Variants in RFT1 observed in about 807,000 individuals in gnomAD.
The protein encoded by RFT1 is RFT1 glycolipid translocator homolog.
Under a neutral mutation model 62.2 loss-of-function variants are expected in RFT1, and 43 were observed. That is an observed-to-expected ratio of 0.69 (90% CI 0.54 to 0.89). RFT1 has a LOEUF of 0.89. Among genes scored for constraint, RFT1 ranks in the 40% least tolerant of loss-of-function variants. The pLI is 0.00. For synonymous variants in RFT1, 262 were observed against 264.6 expected (o/e 0.99, Z 0.10); for missense variants, 605 against 649.9 (o/e 0.93, Z 0.75).
At chr3:53,099,511 C>G in intron 10 of RFT1, 25 bp from the exon 11 acceptor site, 1 of 1,579,580 alleles carries the variant, frequency 6.3e-7, no homozygotes, top group South Asian at 1.1e-5. Flanking sequence ...CTCACTGAGA[C>G]TCCAGAGCCC....
In RFT1 at chr3:53,123,632, C is replaced by T. The variant is rs1702028612; in HGVS notation, c.266+92G>A. On this transcript the variant is annotated intron_variant, in intron 3 of 12. Coordinates refer to ENST00000296292, the MANE Select transcript of RFT1 (RefSeq NM_052859.4). ...CCCATGACGAAACTGAATCTGGGGG[C>T]AATTCAGCTTTAGGCACGTGTTACT... 7 of 976,048 alleles carry T rather than the reference C, an allele frequency of 7.2e-6. No homozygotes were observed. In the East Asian group the frequency reaches 1.7e-4, roughly 23 times the overall value. The allele number at this position is 976,048 out of a possible 1,614,324, so 60.5% of individuals were successfully genotyped here.
intron 8 of RFT1, among the ~76,000 whole-genome samples, chr3:53,106,298 C>G (rs1481055195): frequency 6.6e-6 from 1 of 152,078 alleles, no homozygotes; most frequent in Non-Finnish European, 1.5e-5. Flanking sequence ...CATATATACC[C>G]TTTACCCAGT....
intron 11 of RFT1, 57 bp downstream of exon 11, chr3:53,099,324 A>G (rs1422504078): frequency 7.1e-7 from 1 of 1,401,422 alleles, no homozygotes; most frequent in African/African-American, 1.4e-5. Flanking sequence ...AAGCTTGACA[A>G]GTTATTTCAT....
At chr3:53,071,356 A>T in the RFT1 span, among the ~76,000 whole-genome samples, 1 of 152,176 alleles carries the variant, frequency 6.6e-6, no homozygotes, top group Non-Finnish European at 1.5e-5. Context: ...CCCCTGCGCT[A>T]ATGAGAGTGA....
At chr3:53,068,138 C>T in the RFT1 span, among the ~76,000 whole-genome samples, 1 of 152,066 alleles carries the variant, frequency 6.6e-6, no homozygotes, top group African/African-American at 2.4e-5. Flanking sequence ...GATCCTGATG[C>T]AGGAGGGGAC....
chr3:53,110,657 G>C (rs540603089), intron 7 of RFT1, among the ~76,000 whole-genome samples: 1 of 151,958 alleles, frequency 6.6e-6, no homozygotes, highest in African/African-American at 2.4e-5. Flanking sequence ...AATACAGATG[G>C]GGGGGAAATA....
intron 6 of RFT1, among the ~76,000 whole-genome samples, chr3:53,118,058 T>C (rs1701857608): frequency 6.6e-6 from 1 of 152,162 alleles, no homozygotes. Context: ...CCCAGCTAAT[T>C]AAAAAAATTT....
rs1202099690 is a variant in RFT1, at chr3:53,091,535, G to T, written c.*368C>A. On this transcript the variant is annotated 3_prime_UTR_variant, in exon 13 of 13. Transcript: ENST00000296292. ...AAAATCACTGCATCTCTTTTTCTGG[G>T]CCAGATAATTATTAACAGTTAACAA... 4 of 267,216 alleles carry T rather than the reference G, an allele frequency of 1.5e-5. No individual in the cohort carries two copies. The highest frequency in any genetic ancestry group is 4.4e-5 in the African/African-American group (2 of 45,628). The allele number at this position is 267,216 out of a possible 1,614,324, so 16.6% of individuals were successfully genotyped here.
intron 8 of RFT1, 88 bp from the exon 9 acceptor site, chr3:53,105,891 T>C: frequency 8.2e-7 from 1 of 1,218,100 alleles, no homozygotes; most frequent in South Asian, 1.4e-5. Flanking sequence ...AATATTTTCA[T>C]TAAAGTTTGT....
At position 53,121,795 on chromosome 3, in the gene RFT1, A is replaced by C. The variant is rs1701976542; in HGVS notation, c.462T>G (p.Ile154Met). 6.2e-7 allele frequency: 1 copy of C among 1,612,468 alleles called. No individual in the cohort carries two copies. Among genetic ancestry groups the C allele is most frequent in the South Asian group, 1.1e-5 (1 of 90,936 alleles). Residue 154 changes from isoleucine to methionine, a missense_variant, in exon 5 of 13, where the codon ATT becomes ATG. Ile to Met is a conservative substitution (Grantham distance 10). Transcript: ENST00000296292. ...QAHMFVKLKV[I>M]AESLSVILKS... ...TAAGAATTACCGACAGGCTCTCTGC[A>C]ATCACCTGCAAACATGTGGTTAAGG...
At chr3:53,113,278 G>T (rs1160209565) in intron 6 of RFT1, among the ~76,000 whole-genome samples, 1 of 152,162 alleles carries the variant, frequency 6.6e-6, no homozygotes, top group African/African-American at 2.4e-5. Flanking sequence ...GGCTCCCAAA[G>T]TACTGGGATT....
chr3:53,115,130 CT>C (rs1353416102), intron 6 of RFT1, among the ~76,000 whole-genome samples: 1 of 152,138 alleles, frequency 6.6e-6, no homozygotes, highest in Non-Finnish European at 1.5e-5. Flanking sequence ...TCCCAATGAG[CT>C]TTTTTTGCTT....
At chr3:53,095,529 T>C (rs1222497673) in intron 11 of RFT1, among the ~76,000 whole-genome samples, 2 of 152,000 alleles carry the variant, frequency 1.3e-5, no homozygotes, top group Non-Finnish European at 2.9e-5. Context: ...CTGGGAAACA[T>C]GGTGCCCAGA....
intron 6 of RFT1, among the ~76,000 whole-genome samples, chr3:53,116,970 C>CA (rs1441668451): frequency 6.6e-6 from 1 of 152,136 alleles, no homozygotes; most frequent in Non-Finnish European, 1.5e-5. Context: ...TTTATGTAAA[C>CA]AATAACTACT....
At chr3:53,106,622 C>G (rs1323854995) in intron 8 of RFT1, among the ~76,000 whole-genome samples, 197 bp downstream of exon 8, 1 of 152,124 alleles carries the variant, frequency 6.6e-6, no homozygotes, top group East Asian at 1.9e-4. Context: ...AAATAGAGGG[C>G]CGGGGTCTCA....
At chr3:53,109,816 C>CAAAAACA (rs895065944) in intron 7 of RFT1, among the ~76,000 whole-genome samples, 4 of 151,512 alleles carry the variant, frequency 2.6e-5, no homozygotes, top group African/African-American at 9.7e-5. Flanking sequence ...ACCCTATCTA[C>CAAAAACA]AAAAACAAAA....
chr3:53,126,130 T>A, intron 1 of RFT1, 136 bp from the exon 2 acceptor site: 1 of 678,622 alleles, frequency 1.5e-6, no homozygotes, highest in Non-Finnish European at 2.7e-6. Context: ...GACTCTCCTC[T>A]AAGACGCCCA....
At chr3:53,078,901 A>C in the RFT1 span, among the ~76,000 whole-genome samples, 1 of 152,250 alleles carries the variant, frequency 6.6e-6, no homozygotes, top group South Asian at 2.1e-4. Flanking sequence ...TGGCCCCACA[A>C]TGGCCCTGGA....
Position 53,130,389 on chromosome 3 carries a change from C to CT in RFT1, c.11dup (p.Glu5GlyfsTer105). The CT allele has an allele frequency of 1.9e-6, 3 of 1,556,662 alleles. No homozygotes were observed. Among genetic ancestry groups the CT allele is most frequent in the Non-Finnish European group, 2.6e-6 (3 of 1,150,378 alleles). ...GCCGGGCCGCGTGGCCCAGCACCTCCTGGCTGCCCATAGCCTCCGCGCCAG... is the reference window on the plus strand; with the variant it reads ...GCCGGGCCGCGTGGCCCAGCACCTCCTTGGCTGCCCATAGCCTCCGCGCCAG... On this transcript the variant is annotated frameshift_variant, in exon 1 of 13. Coordinates refer to ENST00000296292, the MANE Select transcript of RFT1 (RefSeq NM_052859.4). LOFTEE classifies it high-confidence loss of function.
Sources: gnomAD v4.1 joint callset for allele counts (sites outside exome capture counted in the v4.1 genomes callset) on GRCh38, gnomAD v4.1.1 for gene constraint, MANE v1.5 for transcripts, NCBI Gene and HGNC (gene_info 2026-07-23, HGNC 2026-07-21) for gene names.